The following ITGA2 variants were observed in gnomAD, a reference collection of about 807,000 sequenced individuals.
ITGA2 encodes integrin alpha-2.
ITGA2 carries 101 observed loss-of-function variants against 146.3 expected under a neutral mutation model. That is an observed-to-expected ratio of 0.69 (90% CI 0.59 to 0.81). The LOEUF (loss-of-function observed/expected upper bound fraction) is 0.81. Ranked by LOEUF, ITGA2 falls within the 40% of genes least tolerant of loss-of-function variation. ITGA2 has a pLI of 0.00. For synonymous variants in ITGA2, 477 were observed against 487.1 expected, an observed-to-expected ratio of 0.98 and a Z score of 0.27; for missense variants, 1,281 against 1,402.7, an observed-to-expected ratio of 0.91 and a Z score of 1.39.
chr5:53,033,049 C>T (rs1389960486), intron 2 of ITGA2, among the ~76,000 whole-genome samples: 1 of 152,174 alleles, frequency 6.6e-6, no homozygotes, highest in Non-Finnish European at 1.5e-5. Flanking sequence ...GGGCGGATCA[C>T]TTGAGGTCAG....
At chr5:53,009,426 G>GTCCTCATT (rs1284238669) in intron 1 of ITGA2, among the ~76,000 whole-genome samples, 3 of 152,152 alleles carry the variant, frequency 2.0e-5, no homozygotes, top group African/African-American at 7.2e-5. Flanking sequence ...TGCAGAAAAT[G>GTCCTCATT]TCCTCATTAT....
intron 23 of ITGA2, among the ~76,000 whole-genome samples, chr5:53,078,235 C>T (rs1331974594): frequency 6.6e-6 from 1 of 152,114 alleles, no homozygotes; most frequent in Admixed American, 6.6e-5. Context: ...TGACCAACCT[C>T]ATTCAGACCC....
At chr5:53,003,789 C>G (rs549836154) in intron 1 of ITGA2, among the ~76,000 whole-genome samples, 1 of 152,176 alleles carries the variant, frequency 6.6e-6, no homozygotes, top group African/African-American at 2.4e-5. Flanking sequence ...ACTTAATGGT[C>G]CTCGACCATT....
At chr5:52,994,542 T>C (rs886902662) in intron 1 of ITGA2, among the ~76,000 whole-genome samples, 2 of 152,178 alleles carry the variant, frequency 1.3e-5, no homozygotes, top group Non-Finnish European at 2.9e-5. Context: ...TTAAAGAAAA[T>C]ATTGTCAAGT....
chr5:53,088,163 T>C (rs912366939), intron 28 of ITGA2, among the ~76,000 whole-genome samples: 4 of 152,196 alleles, frequency 2.6e-5, no homozygotes, highest in African/African-American at 7.2e-5. Context: ...AGAAGTATTA[T>C]AGATTTTTTT....
chr5:52,998,780 C>T (rs1741416448), intron 1 of ITGA2, among the ~76,000 whole-genome samples: 1 of 152,186 alleles, frequency 6.6e-6, no homozygotes, highest in Admixed American at 6.5e-5. Flanking sequence ...ATCAAGGGTT[C>T]TTGGCACCAT....
intron 1 of ITGA2, among the ~76,000 whole-genome samples, chr5:53,005,715 A>T (rs956511228): frequency 6.6e-6 from 1 of 152,124 alleles, no homozygotes; most frequent in South Asian, 2.1e-4. Flanking sequence ...AGTACTTACC[A>T]TTTGTTAGAC....
Position 53,092,608 on chromosome 5 carries a change from C to A in ITGA2, c.*2009C>A, listed in dbSNP as rs1388184739. 1 of 145,402 alleles carries A rather than the reference C, an allele frequency of 6.9e-6. No individual in the cohort carries two copies. The allele number at this position is 145,402 out of a possible 1,614,324, so 9.0% of individuals were successfully genotyped here. A position where few individuals can be genotyped will look rare whatever the true frequency, so the allele number is the denominator to read the frequency against. On this transcript the variant is annotated 3_prime_UTR_variant, in exon 30 of 30. Transcript: ENST00000296585. ...AGCTGTGAGAATTTGCTGCTTCATT[C>A]CAACAAAATTTTATTTAAAAAAAAA...
chr5:53,041,501 G>A (rs943104222), intron 2 of ITGA2, among the ~76,000 whole-genome samples: 3 of 152,110 alleles, frequency 2.0e-5, no homozygotes, highest in African/African-American at 7.2e-5. Context: ...AAAATGCTTA[G>A]GGCATAGAAA....
rs1454014909 is a variant in ITGA2, at chr5:53,092,393, G to A, written c.*1794G>A. On this transcript the variant is annotated 3_prime_UTR_variant, in exon 30 of 30. Transcript: ENST00000296585. The stretch of plus-strand genomic sequence containing the variant: ...AAAGGAAAACAGGTTATCTGCCCAT[G>A]TGCATATGGACAACCTTGACTACCC... 1 of 152,164 alleles carries A rather than the reference G, an allele frequency of 6.6e-6. No homozygotes were observed. The highest frequency in any genetic ancestry group is 1.5e-5 in the Non-Finnish European group (1 of 68,022). 9.4% of individuals were successfully genotyped at this position (152,164 alleles called of 1,614,324 possible). A position where few individuals can be genotyped will look rare whatever the true frequency, so the allele number is the denominator to read the frequency against.
At chr5:53,023,067 G>C (rs1429015832) in intron 1 of ITGA2, among the ~76,000 whole-genome samples, 1 of 152,326 alleles carries the variant, frequency 6.6e-6, no homozygotes, top group South Asian at 2.1e-4. Flanking sequence ...GGTCACCTTT[G>C]TTAAATATGT....
Position 53,048,774 on chromosome 5 carries a change from T to A in ITGA2, c.630+4T>A. ...TATAGGCCCCACAAAGACACAGGTA[T>A]GGCTAACAGAAATGCATAACTAACT... On this transcript the variant is annotated splice_donor_region_variant and intron_variant, in intron 6 of 29. Transcript: ENST00000296585. The A allele has an allele frequency of 1.2e-6, 2 of 1,613,820 alleles. No homozygotes were observed. Among genetic ancestry groups the A allele is most frequent in the Non-Finnish European group, 1.7e-6 (2 of 1,179,760 alleles).
rs1275231723 is a variant in ITGA2 at position 53,058,169 on chromosome 5, A to T, written c.1173+68A>T. 6.0e-6 allele frequency: 7 copies of T among 1,165,734 alleles called. No homozygotes were observed. In the East Asian group the frequency reaches 1.7e-4, roughly 28 times the overall value. The allele number at this position is 1,165,734 out of a possible 1,614,324, so 72.2% of individuals were successfully genotyped here. Reference sequence around the variant, plus strand: ...TAACACTTCCAGACACAGTAGCCTTATACATAAAATGGGAAGACAGCCATC... The same window carrying T: ...TAACACTTCCAGACACAGTAGCCTTTTACATAAAATGGGAAGACAGCCATC... On this transcript the variant is annotated intron_variant, in intron 10 of 29. Transcript: ENST00000296585.
chr5:53,070,216 G>T lies in ITGA2; in HGVS notation c.2191G>T (p.Val731Leu). The T allele has an allele frequency of 6.2e-7, 1 of 1,611,952 alleles. No individual in the cohort carries two copies. The highest frequency in any genetic ancestry group is 8.5e-7 in the Non-Finnish European group (1 of 1,178,670). Residue 731 changes from valine (V) to leucine (L), a missense_variant, in exon 17 of 30, where the codon GTA becomes TTA. Around this residue, in one of 3 missense-constraint regions of ITGA2, gnomAD observed 11 missense variants for 30.5 expected, o/e 0.36. Coordinates refer to ENST00000296585, the MANE Select transcript of ITGA2 (RefSeq NM_002203.4). ...AAGGTGCCTGCAGAAGAATATGGTA[G>T]TAAATCAAGCACAGAGTTGCCCCGA... The part of the protein sequence containing the change: ...NERCLQKNMV[V>L]NQAQSCPEHI...
At chr5:53,084,666 T>C (rs1318853791) in intron 27 of ITGA2, among the ~76,000 whole-genome samples, 1 of 149,576 alleles carries the variant, frequency 6.7e-6, no homozygotes, top group Non-Finnish European at 1.5e-5. Flanking sequence ...ACGTGAAGCG[T>C]GCCGTTAGTT....
intron 6 of ITGA2, 62 bp from the exon 7 acceptor site, chr5:53,051,349 G>C: frequency 6.5e-7 from 1 of 1,549,792 alleles, no homozygotes; most frequent in South Asian, 1.1e-5. Flanking sequence ...TATTTTATTG[G>C]TTAAGTAGAA....
intron 4 of ITGA2, among the ~76,000 whole-genome samples, chr5:53,048,156 G>T (rs993431370): frequency 3.9e-5 from 6 of 152,060 alleles, no homozygotes; most frequent in Non-Finnish European, 7.4e-5. Context: ...TCCTCCTCCC[G>T]CAAGGCTTGC....
At chr5:53,074,675 C>A (rs1023805321) in intron 21 of ITGA2, among the ~76,000 whole-genome samples, 198 bp downstream of exon 21, 2 of 151,864 alleles carry the variant, frequency 1.3e-5, no homozygotes, top group African/African-American at 4.8e-5. Flanking sequence ...CAATTCATTC[C>A]AAAAGGTACA....
At chr5:52,992,381 C>T (rs982265761) in intron 1 of ITGA2, among the ~76,000 whole-genome samples, 2 of 152,148 alleles carry the variant, frequency 1.3e-5, no homozygotes, top group African/African-American at 4.8e-5. Flanking sequence ...CTTCTGAGTT[C>T]CAGATCAGTA....
Sources: gnomAD v4.1 joint callset for allele counts (sites outside exome capture counted in the v4.1 genomes callset) on GRCh38, gnomAD v4.1.1 for gene constraint, gnomAD v4.1.1 regional missense constraint, MANE v1.5 for transcripts, NCBI Gene and HGNC (gene_info 2026-07-23, HGNC 2026-07-21) for gene names.